FARSB: variants seen among roughly 807,000 people sequenced by gnomAD.
FARSB encodes the protein phenylalanine--tRNA ligase beta subunit.
FARSB carries 40 observed loss-of-function variants against 69.6 expected under a neutral mutation model. That is an observed-to-expected ratio of 0.57 (90% confidence interval 0.45 to 0.75). The LOEUF is 0.75. Among genes scored for constraint, FARSB ranks in the 30% least tolerant of loss-of-function variants. The pLI is 0.00. For missense variants in FARSB, 632 were observed against 722.9 expected (o/e 0.87, Z 1.44); for synonymous variants, 235 against 247.2 (o/e 0.95, Z 0.46).
chr2:222,579,020 G>A (rs1355121937), intron 16 of FARSB, among the ~76,000 whole-genome samples: 1 of 152,106 alleles, frequency 6.6e-6, no homozygotes, highest in African/African-American at 2.4e-5. Flanking sequence ...TAATGAAATT[G>A]CAAAAACATG....
At chr2:222,638,119 A>T (rs978096175) in intron 5 of FARSB, among the ~76,000 whole-genome samples, 10 of 152,252 alleles carry the variant, frequency 6.6e-5, no homozygotes, top group African/African-American at 2.4e-4. Flanking sequence ...AAAGGATAAT[A>T]AAGAAACATT....
rs535944736 is a variant in FARSB at position 222,652,565 on chromosome 2, T to C, written c.58+3451A>G. On this transcript the variant is annotated intron_variant, in intron 1 of 16. Coordinates refer to ENST00000281828, the MANE Select transcript of FARSB (RefSeq NM_005687.5). ...CTGGGGCAAACAAGCTAACATGTGCTAAGTAGTCCTATGGAGAGGATAAGG... is the reference window on the plus strand; with the variant it reads ...CTGGGGCAAACAAGCTAACATGTGCCAAGTAGTCCTATGGAGAGGATAAGG... Among the ~76,000 whole-genome samples the C allele has an allele frequency of 9.2e-5, 14 of 152,216 alleles. 1 individual carries two copies. The highest frequency in any genetic ancestry group is 2.6e-4 in the Admixed American group (4 of 15,284).
At chr2:222,589,892 T>C (rs952494024) in intron 16 of FARSB, among the ~76,000 whole-genome samples, 13 of 152,238 alleles carry the variant, frequency 8.5e-5, no homozygotes, top group African/African-American at 2.9e-4. Context: ...TGTGGAGAAA[T>C]AGGAACACTT....
rs186228243 is a variant in FARSB, at chr2:222,649,920, T to C, written c.59-1125A>G. Among the ~76,000 whole-genome samples, 222 of 152,314 alleles carry C rather than the reference T, an allele frequency of 1.5e-3. 1 individual carries two copies. Among genetic ancestry groups the C allele is most frequent in the Admixed American group, 0.013 (193 of 15,300 alleles). ...ACACTAAATTTCAATTTAACATCTATGTACTGAGTACCCACCTTATACCAG... is the reference window on the plus strand; with the variant it reads ...ACACTAAATTTCAATTTAACATCTACGTACTGAGTACCCACCTTATACCAG... On this transcript the variant is annotated intron_variant, in intron 1 of 16. Coordinates refer to ENST00000281828, the MANE Select transcript of FARSB (RefSeq NM_005687.5).
At chr2:222,646,335 T>C (rs909607139) in intron 2 of FARSB, among the ~76,000 whole-genome samples, 1 of 150,436 alleles carries the variant, frequency 6.6e-6, no homozygotes, top group African/African-American at 2.5e-5. Flanking sequence ...TAAAATCTTC[T>C]TGGGTTATGA....
In FARSB at chr2:222,613,803, ATTC is replaced by A; in HGVS notation, c.1462+5_1462+7del. On this transcript the variant is annotated splice_donor_5th_base_variant and intron_variant, in intron 15 of 16. Transcript: ENST00000281828. ...ACACAAATCAAATCAAAGGTGACTT[ATTC>A]TTACCTGTATTAGAATCTTTTATTA... 1 of 1,460,894 alleles carries A rather than the reference ATTC, an allele frequency of 6.8e-7. No homozygotes were observed. The highest frequency in any genetic ancestry group is 1.1e-5 in the South Asian group (1 of 87,602). 90.5% of individuals were successfully genotyped at this position (1,460,894 alleles called of 1,614,324 possible). A position where few individuals can be genotyped will look rare whatever the true frequency, so the allele number is the denominator to read the frequency against.
At chr2:222,585,604 G>A (rs1029632252) in intron 16 of FARSB, among the ~76,000 whole-genome samples, 7 of 152,148 alleles carry the variant, frequency 4.6e-5, no homozygotes, top group Non-Finnish European at 1.0e-4. Context: ...CGAACACATC[G>A]CAAAGAAGCT....
intron 2 of FARSB, among the ~76,000 whole-genome samples, chr2:222,648,081 GC>G (rs1217134515): frequency 6.6e-6 from 1 of 152,048 alleles, no homozygotes; most frequent in Non-Finnish European, 1.5e-5. Flanking sequence ...GACCCATCAA[GC>G]CCCCGCGAGG....
chr2:222,577,927 C>A (rs1263615971), intron 16 of FARSB, among the ~76,000 whole-genome samples: 5 of 152,196 alleles, frequency 3.3e-5, no homozygotes, highest in Non-Finnish European at 5.9e-5. Flanking sequence ...CTCATGCACA[C>A]ATGCACACTC....
intron 15 of FARSB, among the ~76,000 whole-genome samples, chr2:222,601,039 T>C (rs1404002081): frequency 6.7e-6 from 1 of 150,048 alleles, no homozygotes; most frequent in Non-Finnish European, 1.5e-5. Flanking sequence ...AAATACTGCA[T>C]GATTCCATTT....
intron 16 of FARSB, among the ~76,000 whole-genome samples, chr2:222,591,211 TAAAA>T (rs71281780): frequency 7.2e-6 from 1 of 139,004 alleles, no homozygotes; most frequent in Non-Finnish European, 1.5e-5. Context: ...CCCTGTCTCT[TAAAA>T]AAAAAAAAAA....
At chr2:222,578,690 T>A (rs1201343716) in intron 16 of FARSB, among the ~76,000 whole-genome samples, 1 of 143,868 alleles carries the variant, frequency 7.0e-6, no homozygotes, top group Non-Finnish European at 1.5e-5. Flanking sequence ...TACAAAAAAA[T>A]TAGCTGGGGC....
intron 2 of FARSB, among the ~76,000 whole-genome samples, chr2:222,647,755 A>G (rs1691908479): frequency 6.6e-6 from 1 of 152,184 alleles, no homozygotes; most frequent in African/African-American, 2.4e-5. Flanking sequence ...ACAGAGTGAA[A>G]CTATATAAAG....
In FARSB at chr2:222,625,708, C is replaced by T. The variant is rs184781800; in HGVS notation, c.901-933G>A. 1.4e-3 allele frequency among the ~76,000 whole-genome samples: 220 copies of T among 152,290 alleles called. 1 individual carries two copies. Among genetic ancestry groups the T allele is most frequent in the Admixed American group, 0.013 (193 of 15,302 alleles). ...TTCTCAATAGTTACTATGACCTAAA[C>T]AGTTATTATGAGCTGAACAGTACGA... On this transcript the variant is annotated intron_variant, in intron 10 of 16. Coordinates refer to ENST00000281828, the MANE Select transcript of FARSB (RefSeq NM_005687.5).
At chr2:222,624,540 T>G in intron 11 of FARSB, 61 bp from the exon 12 acceptor site, 1 of 1,180,218 alleles carries the variant, frequency 8.5e-7, no homozygotes, top group Non-Finnish European at 1.3e-6. Flanking sequence ...GTTTACATTG[T>G]GTTTCAACAT....
Position 222,572,929 on chromosome 2 carries a change from G to T in FARSB, c.1619-907C>A, listed in dbSNP as rs562376757. 7.2e-5 allele frequency among the ~76,000 whole-genome samples: 11 copies of T among 152,242 alleles called. No individual in the cohort carries two copies. The South Asian group carries it at 2.1e-3, about 29-fold the overall frequency. ...CTGCTCTCACCACCAACTTGAAAAG[G>T]GATCAGGCCTGCAGCTCCTGACAGA... On this transcript the variant is annotated intron_variant, in intron 16 of 16. Coordinates refer to ENST00000281828, the MANE Select transcript of FARSB (RefSeq NM_005687.5).
chr2:222,640,624 C>T lies in FARSB; in HGVS notation c.339+238G>A, dbSNP rs761493453. 3.9e-5 allele frequency among the ~76,000 whole-genome samples: 6 copies of T among 152,276 alleles called. No homozygotes were observed. The East Asian group carries it at 5.8e-4, about 15-fold the overall frequency. Reference sequence around the variant, plus strand: ...ACAAAAAACTAGCCGGGTGTGGTGGCGTGTGCCTGTACTCCCAAATACTCA... The same window carrying T: ...ACAAAAAACTAGCCGGGTGTGGTGGTGTGTGCCTGTACTCCCAAATACTCA... On this transcript the variant is annotated intron_variant, in intron 4 of 16. Transcript: ENST00000281828.
chr2:222,602,747 T>C (rs1690596034), intron 15 of FARSB, among the ~76,000 whole-genome samples: 1 of 152,166 alleles, frequency 6.6e-6, no homozygotes. Context: ...GATATCTTTA[T>C]GATGCTGCGT....
Position 222,634,417 on chromosome 2 carries a change from C to T in FARSB, c.580G>A (p.Ala194Thr), listed in dbSNP as rs2106230389. Residue 194 changes from alanine (A) to threonine (T), a missense_variant, in exon 6 of 17, where the codon GCC (alanine) becomes ACC (threonine). By Grantham distance (58) the Ala-to-Thr change is moderately conservative. Coordinates refer to ENST00000281828, the MANE Select transcript of FARSB (RefSeq NM_005687.5). ...TTGTATATGTTCATCAGTTCACAGG[C>T]TGTATACTCCTTGGTCTTATTTAGA... ...KPLNKTKEYT[A>T]CELMNIYKTD... 6.2e-7 allele frequency: 1 copy of T among 1,607,738 alleles called. No homozygotes were observed. Among genetic ancestry groups the T allele is most frequent in the East Asian group, 2.2e-5 (1 of 44,726 alleles).
Sources: gnomAD v4.1 joint callset for allele counts (sites outside exome capture counted in the v4.1 genomes callset) on GRCh38, gnomAD v4.1.1 for gene constraint, MANE v1.5 for transcripts, NCBI Gene and HGNC (gene_info 2026-07-23, HGNC 2026-07-21) for gene names.